TSPAN14: variants seen among roughly 807,000 people sequenced by gnomAD.
TSPAN14 encodes the protein tetraspanin 14, also known as tetraspanin-14.
A neutral mutation model predicts 36.6 loss-of-function variants in TSPAN14; 16 were observed. That is an observed-to-expected ratio of 0.44 (90% CI 0.30 to 0.66). TSPAN14 has a LOEUF of 0.66. TSPAN14 is among the 30% of genes least tolerant of loss of function. TSPAN14 has a pLI of 0.12. For synonymous variants in TSPAN14, 139 were observed against 143.8 expected (o/e 0.97, Z 0.24); for missense variants, 231 against 355.1 (o/e 0.65, Z 2.81).
intron 1 of TSPAN14, among the ~76,000 whole-genome samples, chr10:80,476,282 A>G (rs1846878970): frequency 6.6e-6 from 1 of 152,004 alleles, no homozygotes; most frequent in Admixed American, 6.6e-5. Context: ...CTGAGGCAGG[A>G]TTGCTTGAGC....
At chr10:80,504,697 C>A in intron 2 of TSPAN14, 31 bp from the exon 3 acceptor site, 1 of 1,613,924 alleles carries the variant, frequency 6.2e-7, no homozygotes, top group South Asian at 1.1e-5. Flanking sequence ...TCCAACCTAA[C>A]TTCCTTCTCT....
At chr10:80,513,783 T>C (rs1589305096) in intron 6 of TSPAN14, among the ~76,000 whole-genome samples, 1 of 152,230 alleles carries the variant, frequency 6.6e-6, no homozygotes, top group East Asian at 1.9e-4. Flanking sequence ...CCGGCTCTCA[T>C]GCAACAAAAG....
intron 1 of TSPAN14, among the ~76,000 whole-genome samples, chr10:80,470,655 A>G (rs922126158): frequency 6.6e-6 from 1 of 152,226 alleles, no homozygotes; most frequent in Admixed American, 6.5e-5. Context: ...CCTGCAGCCT[A>G]CTGGAGCAGC....
chr10:80,520,924 C>G, exon 9 of TSPAN14: 2 of 465,616 alleles, frequency 4.3e-6, no homozygotes, highest in Non-Finnish European at 8.9e-6. Context: ...GCTTAGGACT[C>G]TGCTGCAGCT....
chr10:80,503,410 T>C (rs1270781034), intron 2 of TSPAN14, among the ~76,000 whole-genome samples: 2 of 151,756 alleles, frequency 1.3e-5, no homozygotes, highest in Non-Finnish European at 2.9e-5. Flanking sequence ...GAGTGAGGAG[T>C]GAATGAATGA....
At chr10:80,461,842 G>A (rs1589232583) in intron 1 of TSPAN14, among the ~76,000 whole-genome samples, 2 of 152,088 alleles carry the variant, frequency 1.3e-5, no homozygotes, top group Admixed American at 6.5e-5. Flanking sequence ...CTGAGCCACC[G>A]AGAGGAGCAG....
intron 1 of TSPAN14, among the ~76,000 whole-genome samples, chr10:80,482,375 T>G: frequency 6.7e-6 from 1 of 150,288 alleles, no homozygotes; most frequent in East Asian, 2.0e-4. Flanking sequence ...CAACCTCTGC[T>G]TCCCAGGTTC....
chr10:80,504,841 A>G (rs1464736846), intron 3 of TSPAN14, 63 bp downstream of exon 3: 3 of 1,556,006 alleles, frequency 1.9e-6, no homozygotes, highest in African/African-American at 1.4e-5. Flanking sequence ...GTTGGACTTC[A>G]TTTTCCCTCC....
At chr10:80,517,758 G>T (rs1841013111) in intron 8 of TSPAN14, 147 bp from the exon 9 acceptor site, 8 of 748,196 alleles carry the variant, frequency 1.1e-5, no homozygotes, top group South Asian at 1.0e-4. Flanking sequence ...TGTGCCACTC[G>T]CTCTGCGGTG....
rs750295083 is a variant in TSPAN14, at chr10:80,516,185, C to G, written c.622-19C>G. 3.7e-6 allele frequency: 6 copies of G among 1,614,114 alleles called. No homozygotes were observed. The South Asian group carries it at 6.6e-5, about 18-fold the overall frequency. The stretch of plus-strand genomic sequence containing the variant: ...TCGTGTGTGCCAAAGGCTCAGACCC[C>G]TGTGGTGTTTTCCTGCAGCTGAAGA... On this transcript the variant is annotated intron_variant, in intron 7 of 8. Coordinates refer to ENST00000429989, the Ensembl canonical transcript of TSPAN14.
chr10:80,509,561 G>A lies in TSPAN14; in HGVS notation c.450+90G>A. The stretch of plus-strand genomic sequence containing the variant: ...CTAGCAGGGGCATCAGGCCTTCTCT[G>A]TGGGTTGTCTGCCTGCAGCTTGGCA... On this transcript the variant is annotated intron_variant, in intron 5 of 8. Transcript: ENST00000429989. This position sits in a 1 kb window ranked among gnomAD's most constrained non-coding sequence, Gnocchi z 4.7. 1 of 1,411,906 alleles carries A rather than the reference G, an allele frequency of 7.1e-7. No homozygotes were observed. The highest frequency in any genetic ancestry group is 2.3e-5 in the East Asian group (1 of 43,260). 87.5% of individuals were successfully genotyped at this position (1,411,906 alleles called of 1,614,324 possible).
chr10:80,475,255 A>C (rs1161636871), intron 1 of TSPAN14, among the ~76,000 whole-genome samples: 1 of 152,218 alleles, frequency 6.6e-6, no homozygotes, highest in Non-Finnish European at 1.5e-5. Flanking sequence ...AGGACAGATA[A>C]TGAGCTTTTC....
At chr10:80,491,788 C>A (rs7922621) in intron 2 of TSPAN14, among the ~76,000 whole-genome samples, 129,725 of 152,146 alleles carry the variant, frequency 0.85, 55,669 homozygotes, top group East Asian at 0.98. Context: ...GTTAGTGTGC[C>A]TTGGGGCAGA....
At chr10:80,464,545 C>G (rs1413501716) in intron 1 of TSPAN14, among the ~76,000 whole-genome samples, 2 of 152,142 alleles carry the variant, frequency 1.3e-5, no homozygotes, top group Non-Finnish European at 1.5e-5. Context: ...TTAGGGCTGG[C>G]TGGCAGATAG....
At chr10:80,488,934 T>A (rs1589269185) in intron 1 of TSPAN14, among the ~76,000 whole-genome samples, 1 of 152,234 alleles carries the variant, frequency 6.6e-6, no homozygotes, top group East Asian at 1.9e-4. Flanking sequence ...GATCAATATT[T>A]GGGAAGGCTC....
At chr10:80,480,248 A>G (rs1451030945) in intron 1 of TSPAN14, among the ~76,000 whole-genome samples, 2 of 151,482 alleles carry the variant, frequency 1.3e-5, no homozygotes, top group East Asian at 1.9e-4. Flanking sequence ...AACAGGGACA[A>G]TTTGACTTCC....
At chr10:80,512,217 A>G (rs751144595) in exon 6 of TSPAN14, 2 of 1,614,038 alleles carry the variant, frequency 1.2e-6, no homozygotes, top group African/African-American at 2.7e-5. Flanking sequence ...GGTGCCAGCT[A>G]CAGCCGAGAG....
chr10:80,508,775 G>GC (rs772779976), intron 4 of TSPAN14, among the ~76,000 whole-genome samples: 8 of 152,194 alleles, frequency 5.3e-5, no homozygotes, highest in Non-Finnish European at 1.0e-4. Context: ...TCGTGACATA[G>GC]CCATAGTTTC....
intron 1 of TSPAN14, among the ~76,000 whole-genome samples, chr10:80,454,863 G>A: frequency 6.6e-6 from 1 of 152,064 alleles, no homozygotes; most frequent in Non-Finnish European, 1.5e-5. Flanking sequence ...GTGGGCGTAG[G>A]CCGGGGCGGG....
Sources: gnomAD v4.1 joint callset for allele counts (sites outside exome capture counted in the v4.1 genomes callset) on GRCh38, gnomAD v4.1.1 for gene constraint, Gnocchi (gnomAD v3.1) non-coding constraint, MANE v1.5 for transcripts, NCBI Gene and HGNC (gene_info 2026-07-23, HGNC 2026-07-21) for gene names.